IFT57: variants seen among roughly 807,000 people sequenced by gnomAD.
IFT57 encodes the protein intraflagellar transport protein 57 homolog.
A neutral mutation model predicts 56.8 loss-of-function variants in IFT57; 59 were observed. That is an observed-to-expected ratio of 1.04 (90% CI 0.84 to 1.29). The LOEUF (loss-of-function observed/expected upper bound fraction) is 1.29. Among genes scored for constraint, IFT57 ranks in the 50% most tolerant of loss-of-function variants. IFT57 has a pLI of 0.00. For missense variants in IFT57, 470 were observed against 522.1 expected, an observed-to-expected ratio of 0.90 and a Z score of 0.97; for synonymous variants, 209 against 186.1, an observed-to-expected ratio of 1.12 and a Z score of -1.00.
chr3:108,175,988 C>G (rs536620764), intron 6 of IFT57, among the ~76,000 whole-genome samples: 7 of 151,658 alleles, frequency 4.6e-5, no homozygotes, highest in Non-Finnish European at 8.9e-5. Flanking sequence ...TTTTGCTTCT[C>G]CCTGCAAAAA....
intron 5 of IFT57, among the ~76,000 whole-genome samples, chr3:108,205,943 A>AT (rs2080308396): frequency 1.2e-5 from 1 of 82,502 alleles, no homozygotes; most frequent in South Asian, 5.5e-4. Context: ...TAAATATATT[A>AT]GTTTATAATA....
chr3:108,193,503 A>G (rs1191994165), intron 5 of IFT57, among the ~76,000 whole-genome samples: 1 of 152,220 alleles, frequency 6.6e-6, no homozygotes, highest in Non-Finnish European at 1.5e-5. Context: ...CATTTAGAAA[A>G]CCAGAAGTAT....
chr3:108,203,959 T>C (rs1348348407), intron 5 of IFT57, among the ~76,000 whole-genome samples: 2 of 152,216 alleles, frequency 1.3e-5, no homozygotes, highest in Non-Finnish European at 2.9e-5. Flanking sequence ...ACAGTATGTA[T>C]TGTTTTTGTT....
At chr3:108,165,624 T>C (rs2080058092) in intron 8 of IFT57, 131 bp from the exon 9 acceptor site, 2 of 712,784 alleles carry the variant, frequency 2.8e-6, no homozygotes, top group Non-Finnish European at 5.1e-6. Flanking sequence ...TGAATACATT[T>C]GTGAAAGTGA....
At chr3:108,162,979 A>G (rs1309519778) in intron 10 of IFT57, among the ~76,000 whole-genome samples, 2 of 152,126 alleles carry the variant, frequency 1.3e-5, no homozygotes, top group African/African-American at 4.8e-5. Flanking sequence ...AGGAAATACA[A>G]AAGGGGAAAA....
intron 1 of IFT57, among the ~76,000 whole-genome samples, chr3:108,221,824 G>A (rs750369236): frequency 2.0e-5 from 3 of 152,120 alleles, no homozygotes; most frequent in Non-Finnish European, 4.4e-5. Context: ...AATATAGTTT[G>A]TGTTTTCTGG....
chr3:108,208,852 C>A (rs1435304864), intron 4 of IFT57, among the ~76,000 whole-genome samples: 1 of 152,154 alleles, frequency 6.6e-6, no homozygotes, highest in African/African-American at 2.4e-5. Context: ...TGGACTACTC[C>A]AAAATGGAAG....
intron 4 of IFT57, among the ~76,000 whole-genome samples, chr3:108,208,613 C>A (rs529276235): frequency 1.1e-3 from 170 of 152,236 alleles, no homozygotes; most frequent in African/African-American, 4.0e-3. Flanking sequence ...CCCTAGTAGC[C>A]CACTAGCAAA....
chr3:108,207,868 C>G (rs892772802), intron 4 of IFT57, among the ~76,000 whole-genome samples: 63 of 152,064 alleles, frequency 4.1e-4, no homozygotes, highest in Middle Eastern at 6.8e-3. Flanking sequence ...ACAGTGAAAC[C>G]CTGTCTCTAC....
chr3:108,213,859 T>C (rs370421271), intron 4 of IFT57, 72 bp downstream of exon 4: 7 of 833,422 alleles, frequency 8.4e-6, no homozygotes, highest in East Asian at 2.5e-5. Context: ...ATAATGGAAG[T>C]CTGGGGGAAA....
Position 108,162,444 on chromosome 3 carries a change from C to A in IFT57, c.*33G>T. On this transcript the variant is annotated 3_prime_UTR_variant, in exon 11 of 11. Coordinates refer to ENST00000264538, the MANE Select transcript of IFT57 (RefSeq NM_018010.4). ...TGAAATATAGTTTGATATAAAAAACCCAACTAATCAGAAACATGAAAACCA... is the reference window on the plus strand; with the variant it reads ...TGAAATATAGTTTGATATAAAAAACACAACTAATCAGAAACATGAAAACCA... 2.0e-6 allele frequency: 3 copies of A among 1,525,306 alleles called. No homozygotes were observed. Among genetic ancestry groups the A allele is most frequent in the Non-Finnish European group, 2.7e-6 (3 of 1,130,264 alleles). The allele number at this position is 1,525,306 out of a possible 1,614,324, so 94.5% of individuals were successfully genotyped here. A position where few individuals can be genotyped will look rare whatever the true frequency, so the allele number is the denominator to read the frequency against.
In IFT57 at chr3:108,213,946, C is replaced by T; in HGVS notation, c.570G>A (p.Val190=). ...EDDAELTLNK[V]DEEFVEEETD... is the part of the protein sequence containing the mutation. The stretch of plus-strand genomic sequence containing the variant: ...ACACACATACCACAAATTCTTCATC[C>T]ACTTTATTTAATGTTAATTCTGCAT... The change falls in exon 4 of 11, where the codon GTG becomes GTA. Residue 190 remains valine, a synonymous_variant. Transcript: ENST00000264538. 1 of 1,604,544 alleles carries T rather than the reference C, an allele frequency of 6.2e-7. No homozygotes were observed. Among genetic ancestry groups the T allele is most frequent in the Non-Finnish European group, 8.5e-7 (1 of 1,172,096 alleles).
At chr3:108,193,680 C>A (rs966860603) in intron 5 of IFT57, among the ~76,000 whole-genome samples, 1 of 152,078 alleles carries the variant, frequency 6.6e-6, no homozygotes, top group Non-Finnish European at 1.5e-5. Flanking sequence ...GGAGGTGCTG[C>A]ATTCACAAAG....
intron 5 of IFT57, among the ~76,000 whole-genome samples, chr3:108,203,557 GATT>G (rs1166872122): frequency 1.3e-5 from 2 of 150,618 alleles, no homozygotes; most frequent in African/African-American, 4.8e-5. Flanking sequence ...AAGAGGATAT[GATT>G]ATTGTCAGTA....
intron 5 of IFT57, among the ~76,000 whole-genome samples, chr3:108,192,720 G>A (rs1244800886): frequency 6.6e-6 from 1 of 151,916 alleles, no homozygotes; most frequent in African/African-American, 2.4e-5. Flanking sequence ...AACCTTATAT[G>A]AATTCTAATT....
intron 5 of IFT57, among the ~76,000 whole-genome samples, chr3:108,193,673 G>C (rs931320687): frequency 2.0e-5 from 3 of 152,112 alleles, no homozygotes; most frequent in Non-Finnish European, 4.4e-5. Flanking sequence ...TGGGGAAGGA[G>C]GTGCTGCATT....
Position 108,191,600 on chromosome 3 carries a change from G to A in IFT57, c.698C>T (p.Thr233Ile). The A allele has an allele frequency of 6.2e-7, 1 of 1,609,232 alleles. No homozygotes were observed. Among genetic ancestry groups the A allele is most frequent in the Middle Eastern group, 1.7e-4 (1 of 6,042 alleles). The change falls in exon 6 of 11, where the codon ACA becomes ATA. Residue 233 changes from threonine to isoleucine, a missense_variant. Thr to Ile is a moderately conservative substitution (Grantham distance 89, BLOSUM62 -1). Transcript: ENST00000264538. The part of the protein sequence containing the change: ...TAKQEDILES[T>I]TDAAEWSLEV... ...TAGGCTCCATTCTGCAGCATCTGTT[G>A]TGGATTCCAAAATATCTTCTTGTTT...
Position 108,161,954 on chromosome 3 carries a change from T to C in IFT57, c.*523A>G, listed in dbSNP as rs897062550. On this transcript the variant is annotated 3_prime_UTR_variant, in exon 11 of 11. Coordinates refer to ENST00000264538, the MANE Select transcript of IFT57 (RefSeq NM_018010.4). ...ATATTCATAAGAAACCAACTTCAAA[T>C]GTTAATGAGGATACTGAAGTTTTTT... 1.3e-5 allele frequency: 2 copies of C among 151,924 alleles called. No homozygotes were observed. The highest frequency in any genetic ancestry group is 3.9e-4 in the East Asian group (2 of 5,180). 9.4% of individuals were successfully genotyped at this position (151,924 alleles called of 1,614,324 possible). A position where few individuals can be genotyped will look rare whatever the true frequency, so the allele number is the denominator to read the frequency against.
intron 1 of IFT57, 125 bp downstream of exon 1, chr3:108,221,986 G>A (rs1428529806): frequency 2.0e-6 from 3 of 1,485,782 alleles, no homozygotes; most frequent in Non-Finnish European, 9.0e-7. Flanking sequence ...GCCCTTCCCT[G>A]GCTAGGAAGA....
Sources: allele counts gnomAD v4.1 joint callset (sites outside exome capture counted in the v4.1 genomes callset), GRCh38; gene constraint gnomAD v4.1.1; transcripts MANE v1.5; gene names NCBI Gene and HGNC (gene_info 2026-07-23, HGNC 2026-07-21).